The following NRG3 variants were observed in gnomAD, a reference collection of about 807,000 sequenced individuals.
NRG3 encodes the protein pro-neuregulin-3, membrane-bound isoform.
Under a neutral mutation model 66.9 loss-of-function variants are expected in NRG3, and 31 were observed. That is an observed-to-expected ratio of 0.46 (90% CI 0.35 to 0.63). The LOEUF is 0.63. NRG3 is among the 20% of genes least tolerant of loss of function. NRG3 has a pLI of 0.00. For missense variants in NRG3, 910 were observed against 878.9 expected (o/e 1.04, Z -0.45); for synonymous variants, 393 against 359.4 (o/e 1.09, Z -1.06).
chr10:82,090,818 TC>T (rs1347316182), intron 1 of NRG3, among the ~76,000 whole-genome samples: 1 of 152,176 alleles, frequency 6.6e-6, no homozygotes, highest in African/African-American at 2.4e-5. Context: ...ACTAAAAACA[TC>T]CTAGAGTGTA....
At chr10:82,931,732 G>A (rs978014138) in intron 4 of NRG3, among the ~76,000 whole-genome samples, 1 of 152,040 alleles carries the variant, frequency 6.6e-6, no homozygotes, top group Admixed American at 6.6e-5. Context: ...TATGTTTCTA[G>A]TTTTGCTCAG....
intron 1 of NRG3, among the ~76,000 whole-genome samples, chr10:82,251,080 G>T (rs1370485179): frequency 6.6e-6 from 1 of 152,188 alleles, no homozygotes; most frequent in Admixed American, 6.5e-5. Context: ...CTGAAAATCT[G>T]ACGACGTTGG....
At chr10:82,184,553 A>G (rs761961961) in intron 1 of NRG3, among the ~76,000 whole-genome samples, 1 of 152,178 alleles carries the variant, frequency 6.6e-6, no homozygotes, top group Non-Finnish European at 1.5e-5. Context: ...ATTTATGTAT[A>G]ATAATACTTT....
intron 1 of NRG3, among the ~76,000 whole-genome samples, chr10:82,060,072 T>G (rs1051270376): frequency 3.9e-5 from 6 of 152,160 alleles, no homozygotes. Flanking sequence ...AGGATACAAT[T>G]AAGATTGGCA....
At chr10:82,058,830 A>G (rs1282787333) in intron 1 of NRG3, among the ~76,000 whole-genome samples, 1 of 152,120 alleles carries the variant, frequency 6.6e-6, no homozygotes, top group African/African-American at 2.4e-5. Context: ...ATTTAGGGTG[A>G]TATATTCTTT....
At position 82,493,112 on chromosome 10, in the gene NRG3, T is replaced by G. The variant is rs113422590; in HGVS notation, c.953+134244T>G. ...AAACACTTGATGTTCAGGTTTGTTT[T>G]TTTTTTTAATTTCAATTTTTATTTT... On this transcript the variant is annotated intron_variant, in intron 2 of 8. Coordinates refer to ENST00000372141, the MANE Select transcript of NRG3 (RefSeq NM_001010848.4). Among the ~76,000 whole-genome samples, 563 of 152,230 alleles carry G rather than the reference T, an allele frequency of 3.7e-3. 3 individuals carry two copies. The highest frequency in any genetic ancestry group is 0.013 in the African/African-American group (544 of 41,532).
chr10:82,740,134 T>G (rs1188820453), intron 3 of NRG3, among the ~76,000 whole-genome samples: 1 of 133,008 alleles, frequency 7.5e-6, no homozygotes, highest in Non-Finnish European at 1.6e-5. Context: ...ATATAATACT[T>G]CTTCCCTTCC....
chr10:81,929,563 C>G (rs1847139299), intron 1 of NRG3, among the ~76,000 whole-genome samples: 1 of 152,078 alleles, frequency 6.6e-6, no homozygotes, highest in Non-Finnish European at 1.5e-5. Flanking sequence ...AGGTGATAAC[C>G]AGCTCCTTCA....
intron 1 of NRG3, among the ~76,000 whole-genome samples, chr10:82,095,883 T>C (rs1294946242): frequency 6.6e-6 from 1 of 152,154 alleles, no homozygotes; most frequent in African/African-American, 2.4e-5. Flanking sequence ...AACTGAGCAC[T>C]TCAACGTGGG....
chr10:82,773,488 C>G (rs1002973975), intron 3 of NRG3, among the ~76,000 whole-genome samples: 5 of 151,790 alleles, frequency 3.3e-5, no homozygotes, highest in African/African-American at 1.2e-4. Flanking sequence ...GATATTAATC[C>G]CTTATCAGAT....
intron 1 of NRG3, among the ~76,000 whole-genome samples, chr10:82,208,372 G>A (rs984186291): frequency 4.9e-4 from 74 of 152,224 alleles, no homozygotes; most frequent in African/African-American, 1.4e-3. Flanking sequence ...CTACTGGAAT[G>A]ACCAGCAAGA....
intron 1 of NRG3, among the ~76,000 whole-genome samples, chr10:81,980,732 C>T (rs1282494927): frequency 6.6e-6 from 1 of 152,134 alleles, no homozygotes; most frequent in African/African-American, 2.4e-5. Context: ...TCTTTTCTCA[C>T]AATTCTGGAG....
chr10:82,085,303 G>A (rs1283940801), intron 1 of NRG3, among the ~76,000 whole-genome samples: 1 of 152,190 alleles, frequency 6.6e-6, no homozygotes, highest in Non-Finnish European at 1.5e-5. Context: ...TATGTCAGTT[G>A]ACCTGAATGC....
At chr10:82,107,683 C>T (rs895934553) in intron 1 of NRG3, among the ~76,000 whole-genome samples, 10 of 152,106 alleles carry the variant, frequency 6.6e-5, no homozygotes, top group Admixed American at 2.0e-4. Context: ...TATTGTTGCA[C>T]GGGGCTAGTC....
intron 1 of NRG3, among the ~76,000 whole-genome samples, chr10:82,170,953 G>A (rs1032255920): frequency 6.6e-6 from 1 of 151,236 alleles, no homozygotes; most frequent in Admixed American, 6.6e-5. Flanking sequence ...TGATTTATGG[G>A]TGTTGTCAGA....
intron 1 of NRG3, among the ~76,000 whole-genome samples, chr10:82,071,169 G>T (rs1419141690): frequency 5.9e-5 from 9 of 152,122 alleles, no homozygotes; most frequent in Admixed American, 5.9e-4. Flanking sequence ...AGTGCCTACT[G>T]AGTGTGTTGG....
rs528143319 is a variant in NRG3 at position 82,461,790 on chromosome 10, T to A, written c.953+102922T>A. Among the ~76,000 whole-genome samples the A allele has an allele frequency of 9.2e-5, 14 of 152,262 alleles. No individual in the cohort carries two copies. The South Asian group carries it at 2.3e-3, about 25-fold the overall frequency. On this transcript the variant is annotated intron_variant, in intron 2 of 8. Coordinates refer to ENST00000372141, the MANE Select transcript of NRG3 (RefSeq NM_001010848.4). ...AGCTTTATAGACTCTGAAGCAGTAT[T>A]CAAATGTAAGAGACTGCTGCAGTAA...
intron 2 of NRG3, among the ~76,000 whole-genome samples, chr10:82,722,008 T>C (rs776669272): frequency 4.4e-4 from 67 of 152,096 alleles, no homozygotes; most frequent in Admixed American, 7.9e-4. Flanking sequence ...TGAATTGTGC[T>C]GACTGCTTTC....
intron 1 of NRG3, among the ~76,000 whole-genome samples, chr10:81,991,261 CT>C (rs1278356497): frequency 2.0e-5 from 3 of 152,088 alleles, no homozygotes; most frequent in African/African-American, 4.8e-5. Context: ...TTGTTAATAT[CT>C]CTGATCCTTT....
Sources: gnomAD v4.1 joint callset for allele counts (sites outside exome capture counted in the v4.1 genomes callset) on GRCh38, gnomAD v4.1.1 for gene constraint, MANE v1.5 for transcripts, NCBI Gene and HGNC (gene_info 2026-07-23, HGNC 2026-07-21) for gene names.